SLC6A2: variants seen among roughly 807,000 people sequenced by gnomAD.
SLC6A2 encodes the protein sodium-dependent noradrenaline transporter.
In SLC6A2, 26 loss-of-function variants were observed where a neutral mutation model predicts 71.7. The ratio of observed to expected loss-of-function variants is 0.36; its 90% confidence interval spans 0.27 to 0.50. SLC6A2 has a LOEUF of 0.50. SLC6A2 is among the 20% of genes least tolerant of loss of function. SLC6A2 has a pLI of 0.96. For missense variants in SLC6A2, 581 were observed against 803.9 expected, an observed-to-expected ratio of 0.72 and a Z score of 3.35; for synonymous variants, 363 against 337.9, an observed-to-expected ratio of 1.07 and a Z score of -0.82.
rs201263363 is a variant in SLC6A2, at chr16:55,692,014, T to C, written c.880T>C (p.Tyr294His). 6.2e-7 allele frequency: 1 copy of C among 1,614,186 alleles called. No individual in the cohort carries two copies. Among genetic ancestry groups the C allele is most frequent in the Non-Finnish European group, 8.5e-7 (1 of 1,180,036 alleles). Reference sequence around the variant, plus strand: ...CGGAGCCTCCAATGGCATCAATGCCTACCTGCACATCGACTTCTACCGCTT... The same window carrying C: ...CGGAGCCTCCAATGGCATCAATGCCCACCTGCACATCGACTTCTACCGCTT... ...LPGASNGINA[Y>H]LHIDFYRLKE... The change falls in exon 6 of 15, where the codon TAC becomes CAC. Residue 294 changes from tyrosine to histidine, a missense_variant. Tyr to His is a moderately conservative substitution (Grantham distance 83, BLOSUM62 2). This residue lies in a region of SLC6A2 where 334 missense variants were observed against 449.0 expected (regional missense o/e 0.74). Transcript: ENST00000568943.
rs1221081229 is a variant in SLC6A2, at chr16:55,694,116, A to G, written c.1022+3A>G. 6.5e-7 allele frequency: 1 copy of G among 1,548,108 alleles called. No individual in the cohort carries two copies. The highest frequency in any genetic ancestry group is 1.1e-5 in the South Asian group (1 of 89,690). Reference sequence around the variant, plus strand: ...AAATTTGACAACAACTGTTACAGGTAAGATTCTTCTCAGAATTCTGAGAAG... The same window carrying G: ...AAATTTGACAACAACTGTTACAGGTGAGATTCTTCTCAGAATTCTGAGAAG... On this transcript the variant is annotated splice_donor_region_variant and intron_variant, in intron 7 of 14. Coordinates refer to ENST00000568943, the MANE Select transcript of SLC6A2 (RefSeq NM_001172501.3).
At chr16:55,676,548 T>G (rs1443066044) in intron 4 of SLC6A2, among the ~76,000 whole-genome samples, 3 of 152,174 alleles carry the variant, frequency 2.0e-5, no homozygotes, top group Non-Finnish European at 1.5e-5. Flanking sequence ...AGCTTACTTC[T>G]CCTCACTCTA....
At chr16:55,695,778 C>A (rs148522973) in intron 8 of SLC6A2, among the ~76,000 whole-genome samples, 1 of 152,142 alleles carries the variant, frequency 6.6e-6, no homozygotes. Flanking sequence ...CATTGTCTGG[C>A]GTCACCCAGC....
At position 55,705,282 on chromosome 16, in the gene SLC6A2, C is replaced by T; in HGVS notation, c.*2936C>T. 4 of 1,530,412 alleles carry T rather than the reference C, an allele frequency of 2.6e-6. No homozygotes were observed. Among genetic ancestry groups the T allele is most frequent in the Non-Finnish European group, 3.5e-6 (4 of 1,142,384 alleles). The allele number at this position is 1,530,412 out of a possible 1,614,324, so 94.8% of individuals were successfully genotyped here. A position where few individuals can be genotyped will look rare whatever the true frequency, so the allele number is the denominator to read the frequency against. ...CCAGATATCCTGCTGAACAGAAATC[C>T]CTGAAGCTGCCTTAATTCTCAAAAG... On this transcript the variant is annotated 3_prime_UTR_variant, in exon 15 of 15. Coordinates refer to ENST00000568943, the MANE Select transcript of SLC6A2 (RefSeq NM_001172501.3).
intron 4 of SLC6A2, among the ~76,000 whole-genome samples, chr16:55,674,656 C>T (rs1331637934): frequency 6.6e-6 from 1 of 152,120 alleles, no homozygotes; most frequent in African/African-American, 2.4e-5. Flanking sequence ...AACTCCTGAC[C>T]TCAGGTGATC....
chr16:55,666,500 A>G (rs1275180694), intron 2 of SLC6A2, among the ~76,000 whole-genome samples: 1 of 152,172 alleles, frequency 6.6e-6, no homozygotes, highest in East Asian at 1.9e-4. Flanking sequence ...CCTCTTTTAG[A>G]ATAAGGCACT....
chr16:55,659,517 G>T (rs535064624), intron 2 of SLC6A2, among the ~76,000 whole-genome samples: 2 of 152,282 alleles, frequency 1.3e-5, no homozygotes, highest in African/African-American at 2.4e-5. Context: ...AAGTTGTTTG[G>T]TGGTTTGTCT....
At chr16:55,661,751 A>T (rs1456527166) in intron 2 of SLC6A2, among the ~76,000 whole-genome samples, 1 of 152,134 alleles carries the variant, frequency 6.6e-6, no homozygotes, top group Non-Finnish European at 1.5e-5. Flanking sequence ...CACCTGGTAA[A>T]TGGGGTTTAT....
chr16:55,669,002 G>A (rs1388244975), intron 2 of SLC6A2, among the ~76,000 whole-genome samples: 2 of 152,168 alleles, frequency 1.3e-5, no homozygotes, highest in African/African-American at 2.4e-5. Flanking sequence ...TTTGCAGGCT[G>A]TTGTGAAACT....
chr16:55,665,123 A>C lies in SLC6A2; in HGVS notation c.275-4442A>C, dbSNP rs535133432. Among the ~76,000 whole-genome samples the C allele has an allele frequency of 2.6e-5, 4 of 152,290 alleles. No individual in the cohort carries two copies. In the South Asian group the frequency reaches 8.3e-4, roughly 32 times the overall value. Reference sequence around the variant, plus strand: ...GCTGGGAGGAAGTAGGGGCAGGGCAAACGGGTCTTCCCCTGTACCTCCACA... The same window carrying C: ...GCTGGGAGGAAGTAGGGGCAGGGCACACGGGTCTTCCCCTGTACCTCCACA... On this transcript the variant is annotated intron_variant, in intron 2 of 14. Coordinates refer to ENST00000568943, the MANE Select transcript of SLC6A2 (RefSeq NM_001172501.3).
At chr16:55,682,133 C>G (rs576199341) in intron 4 of SLC6A2, among the ~76,000 whole-genome samples, 2 of 152,306 alleles carry the variant, frequency 1.3e-5, no homozygotes, top group African/African-American at 4.8e-5. Context: ...TCTCGAACTC[C>G]TGACCTCAGG....
chr16:55,672,208 G>A (rs1341158477), intron 4 of SLC6A2, 33 bp downstream of exon 4: 2 of 1,614,062 alleles, frequency 1.2e-6, no homozygotes, highest in East Asian at 2.2e-5. Flanking sequence ...TGGGCCTGTT[G>A]AGGCCAGTGC....
intron 5 of SLC6A2, among the ~76,000 whole-genome samples, chr16:55,687,684 T>A (rs549778887): frequency 8.6e-4 from 131 of 152,354 alleles, no homozygotes; most frequent in Admixed American, 2.0e-3. Context: ...ATGAGCTTTA[T>A]ACTGCTTCTG....
chr16:55,656,506 C>G lies in SLC6A2; in HGVS notation c.-51-138C>G. ...TCTGTTTCCAAATTTTTCCAGCGGA[C>G]GCGCGCCCTTTTCTGGGAACCCTGC... On this transcript the variant is annotated intron_variant, in intron 1 of 14. Transcript: ENST00000568943. This position sits in a 1 kb window ranked among gnomAD's most constrained non-coding sequence, Gnocchi z 4.5. 1 of 688,320 alleles carries G rather than the reference C, an allele frequency of 1.5e-6. No individual in the cohort carries two copies. 42.6% of individuals were successfully genotyped at this position (688,320 alleles called of 1,614,324 possible). A position where few individuals can be genotyped will look rare whatever the true frequency, so the allele number is the denominator to read the frequency against.
chr16:55,674,693 G>A (rs1382166982), intron 4 of SLC6A2, among the ~76,000 whole-genome samples: 2 of 152,130 alleles, frequency 1.3e-5, no homozygotes, highest in Non-Finnish European at 2.9e-5. Flanking sequence ...CCAAAGTGCT[G>A]GGATTACAGG....
chr16:55,666,358 G>A (rs974762245), intron 2 of SLC6A2, among the ~76,000 whole-genome samples: 1 of 152,150 alleles, frequency 6.6e-6, no homozygotes, highest in Admixed American at 6.5e-5. Flanking sequence ...TATAAAAGAG[G>A]CAACTTCAGT....
intron 2 of SLC6A2, among the ~76,000 whole-genome samples, chr16:55,660,943 T>G (rs917883355): frequency 6.6e-6 from 1 of 152,236 alleles, no homozygotes; most frequent in Non-Finnish European, 1.5e-5. Flanking sequence ...AATGAATTAC[T>G]GGAAAAGATC....
In SLC6A2 at chr16:55,691,230, G is replaced by GGAGAGA. The variant is rs56308124; in HGVS notation, c.784-641_784-636dup. 5.4e-4 allele frequency among the ~76,000 whole-genome samples: 25 copies of GGAGAGA among 46,460 alleles called. 1 individual carries two copies. The highest frequency in any genetic ancestry group is 2.5e-3 in the African/African-American group (24 of 9,760). The allele number at this position is 46,460 out of a possible 152,430, so 30.5% of individuals were successfully genotyped here. On this transcript the variant is annotated intron_variant, in intron 5 of 14. Transcript: ENST00000568943. ...AAAGAGAGGGGGGGAGGGGAGAGGG[G>GGAGAGA]GAGAGAGAGAGAGAGAGAGAGAGAG...
At chr16:55,680,524 C>A (rs754512775) in intron 4 of SLC6A2, among the ~76,000 whole-genome samples, 4 of 152,148 alleles carry the variant, frequency 2.6e-5, no homozygotes, top group Non-Finnish European at 5.9e-5. Context: ...CCAGTCTAGT[C>A]TTTCCATGTT....
Sources: gnomAD v4.1 joint callset for allele counts (sites outside exome capture counted in the v4.1 genomes callset) on GRCh38, gnomAD v4.1.1 for gene constraint, gnomAD v4.1.1 regional missense constraint, Gnocchi (gnomAD v3.1) non-coding constraint, MANE v1.5 for transcripts, NCBI Gene and HGNC (gene_info 2026-07-23, HGNC 2026-07-21) for gene names.